The following JOSD2 variants were observed in gnomAD, a reference collection of about 807,000 sequenced individuals.
The protein encoded by JOSD2 is Josephin domain containing 2.
A neutral mutation model predicts 19.3 loss-of-function variants in JOSD2; 20 were observed. That is an observed-to-expected ratio of 1.04 (90% CI 0.73 to 1.51). JOSD2 has a LOEUF of 1.51. JOSD2 is among the 40% of genes most tolerant of loss of function. The probability of loss-of-function intolerance (pLI) is 0.00; values close to 1 mark genes in which losing one functional copy is unlikely to be tolerated. For missense variants in JOSD2, 215 were observed against 250.4 expected (o/e 0.86, Z 0.95); for synonymous variants, 118 against 123.7 (o/e 0.95, Z 0.31).
Position 50,511,168 on chromosome 19 carries a change from G to GGGC in JOSD2, c.-72_-70dup, listed in dbSNP as rs1979830477. 1 of 446,958 alleles carries GGGC rather than the reference G, an allele frequency of 2.2e-6. No individual in the cohort carries two copies. Among genetic ancestry groups the GGGC allele is most frequent in the Non-Finnish European group, 4.5e-6 (1 of 222,152 alleles). The allele number at this position is 446,958 out of a possible 1,614,324, so 27.7% of individuals were successfully genotyped here. On this transcript the variant is annotated 5_prime_UTR_variant, in exon 1 of 5. Coordinates refer to ENST00000598418, the MANE Select transcript of JOSD2 (RefSeq NM_001270639.2). ...CCAGGGGTTTCCGCATCCCCTTCCT[G>GGGC]GGCGGCGGCTCTGGGCTCCGAGTGC...
chr19:50,507,785 C>T, intron 2 of JOSD2, 86 bp from the exon 3 acceptor site: 1 of 1,520,416 alleles, frequency 6.6e-7, no homozygotes, highest in Non-Finnish European at 8.8e-7. Flanking sequence ...CACAAGTTGC[C>T]TCAGCCTTTG....
At position 50,507,396 on chromosome 19, in the gene JOSD2, C is replaced by T. The variant is rs182640605; in HGVS notation, c.272+178G>A. On this transcript the variant is annotated intron_variant, in intron 3 of 4. Coordinates refer to ENST00000598418, the MANE Select transcript of JOSD2 (RefSeq NM_001270639.2). Reference sequence around the variant, plus strand: ...GCATTCACCCAGTAACCATCATCCACCCAGCATCTCAGCCCATCGACCACC... The same window carrying T: ...GCATTCACCCAGTAACCATCATCCATCCAGCATCTCAGCCCATCGACCACC... 6.0e-3 allele frequency among the ~76,000 whole-genome samples: 913 copies of T among 152,108 alleles called. 10 individuals carry two copies. Among genetic ancestry groups the T allele is most frequent in the Non-Finnish European group, 0.01 (685 of 67,988 alleles).
rs144505363 is a variant in JOSD2 at position 50,510,354 on chromosome 19, G to A, written c.78C>T (p.Val26=). 1.9e-6 allele frequency: 3 copies of A among 1,613,572 alleles called. No homozygotes were observed. The highest frequency in any genetic ancestry group is 2.7e-5 in the African/African-American group (2 of 75,062). ...HERQRLELCA[V]HALNNVLQQQ... ...GCTGCAGAACGTTGTTGAGGGCGTGGACAGCACACAGCTCCAGGCGCTGCC... is the reference window on the plus strand; with the variant it reads ...GCTGCAGAACGTTGTTGAGGGCGTGAACAGCACACAGCTCCAGGCGCTGCC... Residue 26 remains valine (V), a synonymous_variant, in exon 2 of 5, where the codon GTC becomes GTT. Coordinates refer to ENST00000598418, the MANE Select transcript of JOSD2 (RefSeq NM_001270639.2).
At position 50,506,254 on chromosome 19, in the gene JOSD2, C is replaced by T. The variant is rs370053442; in HGVS notation, c.486G>A (p.Ala162=). 1.2e-5 allele frequency: 19 copies of T among 1,612,654 alleles called. No individual in the cohort carries two copies. The African/African-American group carries it at 1.7e-4, about 15-fold the overall frequency. Residue 162 remains alanine, a synonymous_variant, in exon 5 of 5, where the codon GCG becomes GCA. Transcript: ENST00000598418. ...EDGVRAFLAA[A]LAQGLCEVLL... ...GCACCTCGCACAGGCCCTGGGCCAG[C>T]GCAGCCGCCAGGAAGGCCCTGGGTG...
At chr19:50,507,804 C>G in intron 2 of JOSD2, 105 bp from the exon 3 acceptor site, 5 of 1,383,236 alleles carry the variant, frequency 3.6e-6, no homozygotes, top group Non-Finnish European at 4.9e-6. Context: ...TGACTCTCCC[C>G]GCTTCAGACC....
In JOSD2 at chr19:50,510,462, G is replaced by A. The variant is rs1431540116; in HGVS notation, c.-17-14C>T. On this transcript the variant is annotated splice_polypyrimidine_tract_variant and intron_variant, in intron 1 of 4. Coordinates refer to ENST00000598418, the MANE Select transcript of JOSD2 (RefSeq NM_001270639.2). ...CCTCGGCTCCTGCTGGGGGTTGGGA[G>A]GGGGAGAAGGTCCTCAGGGGCCCGG... is the stretch of plus-strand genomic sequence containing the variant. 3.2e-6 allele frequency: 5 copies of A among 1,583,804 alleles called. No individual in the cohort carries two copies. Among genetic ancestry groups the A allele is most frequent in the East Asian group, 2.3e-5 (1 of 44,336 alleles).
At chr19:50,506,616 C>T in intron 3 of JOSD2, 44 bp from the exon 4 acceptor site, 1 of 1,448,850 alleles carries the variant, frequency 6.9e-7, no homozygotes, top group East Asian at 2.5e-5. Context: ...GCCTGCTCCG[C>T]CCGCCGGTGA....
At chr19:50,510,485 C>A (rs540386534) in intron 1 of JOSD2, 37 bp from the exon 2 acceptor site, 1 of 1,547,038 alleles carries the variant, frequency 6.5e-7, no homozygotes, top group South Asian at 1.2e-5. Flanking sequence ...CTCAGGGGCC[C>A]GGGATCTAGA....
rs1979454004 is a variant in JOSD2 at position 50,507,579 on chromosome 19, C to T, written c.267G>A (p.Arg89=). Residue 89 remains arginine, a synonymous_variant, in exon 3 of 5, where the codon AGG becomes AGA. Transcript: ENST00000598418. ...TGTGCTGCTCTGGGGCCTACCTCCT[C>T]CTGTCCCACCACACGGCGGCCAGGC... ...GLGLAAVWWD[R]RRPLSQLALP... 3.7e-6 allele frequency: 6 copies of T among 1,604,880 alleles called. No individual in the cohort carries two copies. The highest frequency in any genetic ancestry group is 3.3e-4 in the Middle Eastern group (2 of 6,042).
In JOSD2 at chr19:50,507,654, G is replaced by A; in HGVS notation, c.192C>T (p.Gly64=). 6.2e-7 allele frequency: 1 copy of A among 1,612,004 alleles called. No individual in the cohort carries two copies. The highest frequency in any genetic ancestry group is 1.7e-4 in the Middle Eastern group (1 of 6,052). ...TCACATTGACATCATAGTTGCCGGT[G>A]CCCAGGAGGCTGCGATGAGGGTTCA... ...SRLNPHRSLL[G]TGNYDVNVIM... The change falls in exon 3 of 5, where the codon GGC becomes GGT. Residue 64 remains glycine (G), a synonymous_variant. Coordinates refer to ENST00000598418, the MANE Select transcript of JOSD2 (RefSeq NM_001270639.2).
At chr19:50,510,062 AAAAAAG>A in intron 2 of JOSD2, 1 of 458,228 alleles carries the variant, frequency 2.2e-6, no homozygotes, top group South Asian at 2.5e-5. Flanking sequence ...AAAAAAAAAA[AAAAAAG>A]AAAGAACCAC....
intron 2 of JOSD2, among the ~76,000 whole-genome samples, chr19:50,508,698 C>CGT (rs58475114): frequency 0.12 from 16,690 of 140,720 alleles, 1,001 homozygotes; most frequent in Middle Eastern, 0.17. Flanking sequence ...GGAAAACGCT[C>CGT]GTGTGTGTGT....
rs1356249803 is a variant in JOSD2, at chr19:50,506,439, A to G, written c.406T>C (p.Tyr136His). ...WVALRQVDGVYYNLDSKLRAP... is the reference protein window; with the variant it reads ...WVALRQVDGVHYNLDSKLRAP... ...CGCAGCTTGGAGTCCAGGTTGTAGTAGACACCGTCCACCTGGCGCAGGGCC... is the reference window on the plus strand; with the variant it reads ...CGCAGCTTGGAGTCCAGGTTGTAGTGGACACCGTCCACCTGGCGCAGGGCC... The change falls in exon 4 of 5, where the codon TAC becomes CAC. Residue 136 changes from tyrosine to histidine, a missense_variant. By Grantham distance (83) the Tyr-to-His change is moderately conservative. Transcript: ENST00000598418. The G allele has an allele frequency of 6.2e-7, 1 of 1,601,638 alleles. No individual in the cohort carries two copies. The highest frequency in any genetic ancestry group is 2.3e-5 in the East Asian group (1 of 44,216).
Position 50,510,434 on chromosome 19 carries a change from C to G in JOSD2, c.-3G>C, listed in dbSNP as rs746022617. 4.4e-6 allele frequency: 7 copies of G among 1,603,520 alleles called. No individual in the cohort carries two copies. Among genetic ancestry groups the G allele is most frequent in the Admixed American group, 1.7e-5 (1 of 59,472 alleles). On this transcript the variant is annotated 5_prime_UTR_variant, in exon 2 of 5. Coordinates refer to ENST00000598418, the MANE Select transcript of JOSD2 (RefSeq NM_001270639.2). ...TGTGCTCCCGGGGCCTGGGACATGC[C>G]GTCCTCGGCTCCTGCTGGGGGTTGG...
At chr19:50,510,649 G>T (rs1979749335) in intron 1 of JOSD2, among the ~76,000 whole-genome samples, 1 of 152,002 alleles carries the variant, frequency 6.6e-6, no homozygotes, top group African/African-American at 2.4e-5. Context: ...TACGAAAAAC[G>T]CTGTCTCTTC....
In JOSD2 at chr19:50,506,081, C is replaced by T; in HGVS notation, c.*92G>A. On this transcript the variant is annotated 3_prime_UTR_variant, in exon 5 of 5. Coordinates refer to ENST00000598418, the MANE Select transcript of JOSD2 (RefSeq NM_001270639.2). ...GAGGGGGCGGGGCCTCCCCAGGGTC[C>T]ATGAAGTGCTGGCCTTTCCCAGGCA... 2 of 1,245,884 alleles carry T rather than the reference C, an allele frequency of 1.6e-6. No homozygotes were observed. The highest frequency in any genetic ancestry group is 2.1e-5 in the Admixed American group (1 of 48,230). 77.2% of individuals were successfully genotyped at this position (1,245,884 alleles called of 1,614,324 possible).
At chr19:50,506,939 C>T (rs892781989) in intron 3 of JOSD2, among the ~76,000 whole-genome samples, 72 of 151,470 alleles carry the variant, frequency 4.8e-4, no homozygotes, top group Admixed American at 3.4e-3. Flanking sequence ...CCGCCCACCC[C>T]ACTGAGCCTC....
At chr19:50,509,891 A>G (rs1009634398) in intron 2 of JOSD2, among the ~76,000 whole-genome samples, 24 of 151,750 alleles carry the variant, frequency 1.6e-4, no homozygotes, top group African/African-American at 5.6e-4. Context: ...GTCTCTACTA[A>G]AAATACAAAA....
At chr19:50,507,468 G>C in intron 3 of JOSD2, 106 bp downstream of exon 3, 1 of 1,450,390 alleles carries the variant, frequency 6.9e-7, no homozygotes, top group Non-Finnish European at 9.2e-7. Flanking sequence ...CCACATTCAT[G>C]CCAACCTCCC....
Sources: allele counts gnomAD v4.1 joint callset (sites outside exome capture counted in the v4.1 genomes callset), GRCh38; gene constraint gnomAD v4.1.1; transcripts MANE v1.5; gene names NCBI Gene and HGNC (gene_info 2026-07-23, HGNC 2026-07-21).